LRMDA: variants seen among roughly 807,000 people sequenced by gnomAD.
The protein encoded by LRMDA is leucine-rich melanocyte differentiation-associated protein.
Under a neutral mutation model 29.8 loss-of-function variants are expected in LRMDA, and 18 were observed. The ratio of observed to expected loss-of-function variants is 0.60; its 90% confidence interval spans 0.42 to 0.90. The LOEUF (loss-of-function observed/expected upper bound fraction) is 0.90, where lower values mean the gene tolerates loss of function less well. Among genes scored for constraint, LRMDA ranks in the 40% least tolerant of loss-of-function variants. The pLI is 0.00. For synonymous variants in LRMDA, 125 were observed against 109.4 expected (o/e 1.14, Z -0.89); for missense variants, 273 against 273.9 (o/e 1.00, Z 0.02).
At chr10:76,201,328 C>G (rs987745661) in intron 5 of LRMDA, among the ~76,000 whole-genome samples, 4 of 151,396 alleles carry the variant, frequency 2.6e-5, no homozygotes, top group Non-Finnish European at 4.4e-5. Context: ...CTCTTGACCT[C>G]ATGATCCGCC....
intron 2 of LRMDA, among the ~76,000 whole-genome samples, chr10:75,802,566 G>A (rs1843771708): frequency 6.6e-6 from 1 of 151,994 alleles, no homozygotes; most frequent in South Asian, 2.1e-4. Context: ...TTTACAGAAG[G>A]CAGTATCTTT....
chr10:76,200,157 T>A (rs907151337), intron 5 of LRMDA, among the ~76,000 whole-genome samples: 1 of 152,002 alleles, frequency 6.6e-6, no homozygotes, highest in Non-Finnish European at 1.5e-5. Context: ...AGAGATGATG[T>A]TTCATGATGT....
At chr10:76,330,561 C>T (rs1328921329) in intron 6 of LRMDA, among the ~76,000 whole-genome samples, 1 of 152,038 alleles carries the variant, frequency 6.6e-6, no homozygotes, top group African/African-American at 2.4e-5. Flanking sequence ...TTTCGATGAC[C>T]CCACTTAGGG....
At chr10:76,315,056 G>A (rs1442448527) in intron 5 of LRMDA, among the ~76,000 whole-genome samples, 1 of 152,228 alleles carries the variant, frequency 6.6e-6, no homozygotes, top group Non-Finnish European at 1.5e-5. Flanking sequence ...CAGTGCTTAG[G>A]ATTCAGGCTA....
At chr10:76,521,462 A>G (rs918802360) in intron 6 of LRMDA, among the ~76,000 whole-genome samples, 4 of 152,154 alleles carry the variant, frequency 2.6e-5, no homozygotes, top group Non-Finnish European at 4.4e-5. Flanking sequence ...TGACTATCCA[A>G]TGGTCCATAG....
intron 2 of LRMDA, among the ~76,000 whole-genome samples, chr10:75,947,523 G>A (rs1846497640): frequency 6.6e-6 from 1 of 152,212 alleles, no homozygotes; most frequent in African/African-American, 2.4e-5. Flanking sequence ...CACTGCAGTA[G>A]AAGGGAAGGG....
intron 2 of LRMDA, among the ~76,000 whole-genome samples, chr10:75,868,685 T>G (rs1259867921): frequency 6.6e-6 from 1 of 152,224 alleles, no homozygotes; most frequent in African/African-American, 2.4e-5. Flanking sequence ...CCCGCTTGTT[T>G]AGCGATTTCT....
intron 6 of LRMDA, among the ~76,000 whole-genome samples, chr10:76,379,161 T>TTGTGTGTGTGTGTGTGTG (rs57245101): frequency 7.2e-6 from 1 of 137,932 alleles, no homozygotes; most frequent in South Asian, 2.4e-4. Flanking sequence ...CTGGCCTTCT[T>TTGTGTGTGTGTGTGTGTG]TGTGTGTGTG....
chr10:76,011,725 C>G (rs867554969), intron 2 of LRMDA, among the ~76,000 whole-genome samples: 1 of 152,158 alleles, frequency 6.6e-6, no homozygotes, highest in African/African-American at 2.4e-5. Flanking sequence ...TGTGCCCTTC[C>G]CCTGTGGAGT....
chr10:76,035,890 G>A (rs1371519796), intron 2 of LRMDA, 118 bp from the exon 3 acceptor site: 28 of 1,295,964 alleles, frequency 2.2e-5, no homozygotes, highest in Non-Finnish European at 2.8e-5. Context: ...TTGCTGACAG[G>A]CACCAAGCCC....
chr10:76,152,237 A>C (rs1850458904), intron 5 of LRMDA, among the ~76,000 whole-genome samples: 1 of 152,150 alleles, frequency 6.6e-6, no homozygotes, highest in South Asian at 2.1e-4. Context: ...AGATTTGCCT[A>C]TTCTTGGCAT....
At chr10:76,071,649 C>G (rs1262848677) in intron 5 of LRMDA, among the ~76,000 whole-genome samples, 1 of 152,194 alleles carries the variant, frequency 6.6e-6, no homozygotes, top group Non-Finnish European at 1.5e-5. Context: ...TTCCTTTGCA[C>G]ATTATATGAC....
intron 2 of LRMDA, among the ~76,000 whole-genome samples, chr10:75,995,798 C>T (rs1408220649): frequency 6.6e-6 from 1 of 152,180 alleles, no homozygotes; most frequent in Non-Finnish European, 1.5e-5. Context: ...GTGTGGGTCA[C>T]TTTCTGAGAC....
chr10:76,085,294 G>C (rs1025416699), intron 5 of LRMDA, among the ~76,000 whole-genome samples: 4 of 152,190 alleles, frequency 2.6e-5, no homozygotes, highest in Non-Finnish European at 5.9e-5. Flanking sequence ...CCGAAACACA[G>C]ATATTCAATG....
At chr10:76,361,923 C>T (rs76219048) in intron 6 of LRMDA, among the ~76,000 whole-genome samples, 1,893 of 152,216 alleles carry the variant, frequency 0.012, 20 homozygotes, top group Non-Finnish European at 0.019. Context: ...AAGTTAAATG[C>T]AGGGAGAAGA....
At chr10:76,409,823 A>G (rs898131914) in intron 6 of LRMDA, among the ~76,000 whole-genome samples, 1 of 152,216 alleles carries the variant, frequency 6.6e-6, no homozygotes, top group African/African-American at 2.4e-5. Flanking sequence ...GTCCAGAATA[A>G]ACTGGTAGGC....
chr10:75,778,906 G>T (rs1477985868), intron 2 of LRMDA, among the ~76,000 whole-genome samples: 1 of 152,174 alleles, frequency 6.6e-6, no homozygotes, highest in Non-Finnish European at 1.5e-5. Flanking sequence ...ATCCAAGTAG[G>T]AATAAATTGG....
In LRMDA at chr10:75,441,715, A is replaced by T. The variant is rs577104430; in HGVS notation, c.131+3221A>T. 1.1e-4 allele frequency among the ~76,000 whole-genome samples: 17 copies of T among 152,210 alleles called. 1 individual carries two copies. The South Asian group carries it at 3.3e-3, about 30-fold the overall frequency. The stretch of plus-strand genomic sequence containing the variant: ...CAAAATTCTTCCTTTGTTATATATA[A>T]AAAAATTAACCCTTTCCTCTACTTT... On this transcript the variant is annotated intron_variant, in intron 2 of 6. Transcript: ENST00000611255.
At chr10:76,501,818 C>G (rs79730635) in intron 6 of LRMDA, among the ~76,000 whole-genome samples, 3,139 of 151,886 alleles carry the variant, frequency 0.021, 123 homozygotes, top group African/African-American at 0.073. Context: ...AGTTTGTTTG[C>G]TCTATTGATA....
Sources: allele counts gnomAD v4.1 joint callset (sites outside exome capture counted in the v4.1 genomes callset), GRCh38; gene constraint gnomAD v4.1.1; transcripts MANE v1.5; gene names NCBI Gene and HGNC (gene_info 2026-07-23, HGNC 2026-07-21).